Variants in EXOC6B observed in about 807,000 individuals in gnomAD.
EXOC6B encodes SEC15 homolog B.
Under a neutral mutation model 113.5 loss-of-function variants are expected in EXOC6B, and 54 were observed. The observed-to-expected ratio is 0.48, with a 90% CI of 0.38 to 0.60. The LOEUF is 0.60. Ranked by LOEUF, EXOC6B falls within the 20% of genes least tolerant of loss-of-function variation. The pLI is 0.00. For missense variants in EXOC6B, 797 were observed against 977.5 expected (o/e 0.82, Z 2.46); for synonymous variants, 357 against 339.0 (o/e 1.05, Z -0.58).
intron 18 of EXOC6B, among the ~76,000 whole-genome samples, chr2:72,403,915 G>A (rs941103574): frequency 2.0e-5 from 3 of 152,110 alleles, no homozygotes; most frequent in Admixed American, 6.5e-5. Flanking sequence ...GCAAGGCATC[G>A]CCTCACCCAG....
In EXOC6B at chr2:72,439,311, G is replaced by C. The variant is rs115892329; in HGVS notation, c.1980+25849C>G. Among the ~76,000 whole-genome samples, 859 of 152,274 alleles carry C rather than the reference G, an allele frequency of 5.6e-3. 7 individuals carry two copies. The highest frequency in any genetic ancestry group is 0.019 in the African/African-American group (794 of 41,554). On this transcript the variant is annotated intron_variant, in intron 18 of 21. Coordinates refer to ENST00000272427, the MANE Select transcript of EXOC6B (RefSeq NM_015189.3). ...CGAGGTGGGGAAAGTGCTCATGGAA[G>C]ATACCCTGAAATACGTTTTCCATAT...
At chr2:72,421,666 G>A (rs1397134128) in intron 18 of EXOC6B, among the ~76,000 whole-genome samples, 1 of 152,220 alleles carries the variant, frequency 6.6e-6, no homozygotes, top group Non-Finnish European at 1.5e-5. Context: ...CAGCGTGCTG[G>A]CAGTCGTCAC....
intron 6 of EXOC6B, among the ~76,000 whole-genome samples, chr2:72,694,560 T>G (rs973726199): frequency 4.6e-5 from 7 of 152,202 alleles, no homozygotes; most frequent in African/African-American, 1.7e-4. Context: ...CCAAGTTAGA[T>G]TTTTAAACAA....
chr2:72,370,297 C>G (rs1467086887), intron 19 of EXOC6B, among the ~76,000 whole-genome samples: 1 of 152,160 alleles, frequency 6.6e-6, no homozygotes, highest in African/African-American at 2.4e-5. Context: ...AAATACAAAT[C>G]AAAACCACAA....
chr2:72,431,799 C>G (rs1206679423), intron 18 of EXOC6B, among the ~76,000 whole-genome samples: 1 of 152,028 alleles, frequency 6.6e-6, no homozygotes, highest in East Asian at 1.9e-4. Context: ...CCTCCCCTAG[C>G]CTCCCACACC....
At chr2:72,527,966 A>T (rs769478006) in intron 8 of EXOC6B, among the ~76,000 whole-genome samples, 5 of 151,816 alleles carry the variant, frequency 3.3e-5, no homozygotes, top group African/African-American at 4.8e-5. Flanking sequence ...TGGATATATG[A>T]TTTGCAAATA....
At chr2:72,336,029 C>T (rs998260766) in intron 19 of EXOC6B, among the ~76,000 whole-genome samples, 2 of 152,108 alleles carry the variant, frequency 1.3e-5, no homozygotes, top group African/African-American at 4.8e-5. Context: ...TACACACACA[C>T]ATACACACAC....
intron 18 of EXOC6B, among the ~76,000 whole-genome samples, chr2:72,459,087 A>G (rs1362978441): frequency 6.6e-6 from 1 of 152,198 alleles, no homozygotes; most frequent in Non-Finnish European, 1.5e-5. Context: ...GCATATAAAC[A>G]GAACCAAAGA....
chr2:72,712,860 C>T (rs756370397), intron 6 of EXOC6B, among the ~76,000 whole-genome samples: 4 of 152,092 alleles, frequency 2.6e-5, no homozygotes, highest in Non-Finnish European at 5.9e-5. Flanking sequence ...TGATAAAGTT[C>T]TATCTAAAGA....
rs974707334 is a variant in EXOC6B at position 72,314,834 on chromosome 2, T to A, written c.2196+20113A>T. 5.9e-5 allele frequency among the ~76,000 whole-genome samples: 9 copies of A among 152,192 alleles called. No individual in the cohort carries two copies. In the East Asian group the frequency reaches 1.5e-3, roughly 26 times the overall value. ...TAAGGCAAGCATGTTGAGATTACAC[T>A]TTTTTCCTTCAACAAATCCTTACTG... On this transcript the variant is annotated intron_variant, in intron 20 of 21. Coordinates refer to ENST00000272427, the MANE Select transcript of EXOC6B (RefSeq NM_015189.3).
At chr2:72,671,751 GAA>G (rs1184281796) in intron 6 of EXOC6B, among the ~76,000 whole-genome samples, 3,585 of 9,140 alleles carry the variant, frequency 0.39, 253 homozygotes, top group African/African-American at 0.47. Flanking sequence ...GAGAGACAGA[GAA>G]AGAAAGAAAG....
chr2:72,593,393 T>C (rs1706100524), intron 6 of EXOC6B, among the ~76,000 whole-genome samples: 2 of 152,098 alleles, frequency 1.3e-5, no homozygotes, highest in African/African-American at 4.8e-5. Flanking sequence ...AGCAGTATTG[T>C]AGGACTGAGT....
chr2:72,363,490 A>T (rs1690441257), intron 19 of EXOC6B, among the ~76,000 whole-genome samples: 1 of 152,110 alleles, frequency 6.6e-6, no homozygotes, highest in Non-Finnish European at 1.5e-5. Flanking sequence ...TACCAAATTA[A>T]ACCTAATAAA....
intron 8 of EXOC6B, among the ~76,000 whole-genome samples, chr2:72,552,635 C>T (rs1463840332): frequency 6.6e-6 from 1 of 151,800 alleles, no homozygotes; most frequent in Non-Finnish European, 1.5e-5. Context: ...AATAAAGCAA[C>T]AACAAAAAGG....
intron 7 of EXOC6B, among the ~76,000 whole-genome samples, chr2:72,561,627 A>G (rs1377957572): frequency 6.6e-6 from 1 of 152,116 alleles, no homozygotes; most frequent in Non-Finnish European, 1.5e-5. Flanking sequence ...TTCCCTAGAA[A>G]TCTGTGATAA....
intron 6 of EXOC6B, among the ~76,000 whole-genome samples, chr2:72,646,864 G>A (rs974518108): frequency 1.1e-4 from 16 of 152,198 alleles, no homozygotes; most frequent in African/African-American, 3.1e-4. Flanking sequence ...GGCAAAAACT[G>A]GAAGCATTCC....
At chr2:72,347,006 C>A (rs554252993) in intron 19 of EXOC6B, among the ~76,000 whole-genome samples, 87 of 152,224 alleles carry the variant, frequency 5.7e-4, no homozygotes, top group African/African-American at 2.0e-3. Flanking sequence ...CCCTTTAAAT[C>A]TATTATTTCA....
intron 20 of EXOC6B, among the ~76,000 whole-genome samples, chr2:72,329,180 A>G (rs531335137): frequency 3.5e-4 from 54 of 152,194 alleles, no homozygotes; most frequent in African/African-American, 1.3e-3. Flanking sequence ...CTCTTCATCA[A>G]CTGCTCAGTA....
intron 6 of EXOC6B, among the ~76,000 whole-genome samples, chr2:72,667,989 C>T (rs1203688680): frequency 6.6e-6 from 1 of 152,032 alleles, no homozygotes; most frequent in Non-Finnish European, 1.5e-5. Context: ...GTCTAATATC[C>T]AGAATCTATA....
Sources: allele counts gnomAD v4.1 joint callset (sites outside exome capture counted in the v4.1 genomes callset), GRCh38; gene constraint gnomAD v4.1.1; transcripts MANE v1.5; gene names NCBI Gene and HGNC (gene_info 2026-07-23, HGNC 2026-07-21).